Variants in SSH2 observed in about 807,000 individuals in gnomAD.
SSH2 encodes protein phosphatase Slingshot homolog 2.
Under a neutral mutation model 135.2 loss-of-function variants are expected in SSH2, and 37 were observed. The ratio of observed to expected loss-of-function variants is 0.27; its 90% CI spans 0.21 to 0.36. The LOEUF (loss-of-function observed/expected upper bound fraction) is 0.36. Ranked by LOEUF, SSH2 falls within the 10% of genes least tolerant of loss-of-function variation. The pLI is 1.00. For missense variants in SSH2, 1,408 were observed against 1,765.3 expected (o/e 0.80, Z 3.63); for synonymous variants, 628 against 646.2 (o/e 0.97, Z 0.43).
At chr17:29,887,941 A>G (rs937842199) in intron 1 of SSH2, among the ~76,000 whole-genome samples, 2 of 152,244 alleles carry the variant, frequency 1.3e-5, no homozygotes, top group Non-Finnish European at 1.5e-5. Flanking sequence ...AGATTATGAA[A>G]GAAACTATGC....
chr17:29,756,213 C>T (rs969543784), intron 3 of SSH2, among the ~76,000 whole-genome samples: 1 of 148,328 alleles, frequency 6.7e-6, no homozygotes, highest in South Asian at 2.1e-4. Flanking sequence ...GCGGAGGTTG[C>T]GGTGAGCCCA....
intron 1 of SSH2, among the ~76,000 whole-genome samples, chr17:29,888,014 A>T (rs2066273258): frequency 6.6e-6 from 1 of 152,132 alleles, no homozygotes; most frequent in Admixed American, 6.6e-5. Flanking sequence ...ATACTGGAGG[A>T]TCACTTAAGC....
At chr17:29,903,005 G>A (rs1026282337) in intron 1 of SSH2, among the ~76,000 whole-genome samples, 1 of 151,898 alleles carries the variant, frequency 6.6e-6, no homozygotes, top group Non-Finnish European at 1.5e-5. Flanking sequence ...GGCCAACATG[G>A]TGAAACCCCG....
intron 1 of SSH2, among the ~76,000 whole-genome samples, chr17:29,909,092 A>T (rs1331931455): frequency 6.6e-6 from 1 of 151,990 alleles, no homozygotes; most frequent in Non-Finnish European, 1.5e-5. Context: ...AAAAAAAAAA[A>T]TTTCTCCAAA....
chr17:29,669,711 A>G (rs2151039620), intron 9 of SSH2, among the ~76,000 whole-genome samples: 1 of 152,270 alleles, frequency 6.6e-6, no homozygotes, highest in Admixed American at 6.5e-5. Context: ...ATATATCTCA[A>G]AATTAGGGTT....
chr17:29,696,228 T>A (rs1480707289), intron 4 of SSH2, among the ~76,000 whole-genome samples: 1 of 149,334 alleles, frequency 6.7e-6, no homozygotes, highest in African/African-American at 2.5e-5. Context: ...TACGTATACA[T>A]ATACACAGAG....
chr17:29,861,492 C>T (rs1342417754), intron 1 of SSH2, among the ~76,000 whole-genome samples: 1 of 152,088 alleles, frequency 6.6e-6, no homozygotes, highest in East Asian at 1.9e-4. Context: ...GTTAAGATAA[C>T]ATATTTACAG....
chr17:29,651,761 G>A (rs2036585469), intron 12 of SSH2, among the ~76,000 whole-genome samples: 1 of 152,136 alleles, frequency 6.6e-6, no homozygotes, highest in Non-Finnish European at 1.5e-5. Flanking sequence ...AAGGTCAAGT[G>A]GCCAAAAATT....
rs71689248 is a variant in SSH2, at chr17:29,744,860, AGTGTGTGTGTGTGT to A, written c.189-41812_189-41799del. On this transcript the variant is annotated intron_variant, in intron 3 of 15. Coordinates refer to ENST00000540801, the MANE Select transcript of SSH2 (RefSeq NM_001282129.2). ...AAGAAGTTTTGCTTTGGATTACTTG[AGTGTGTGTGTGTGT>A]GTGTGTGTGTGTGTGTGTGTGTGTG... Among the ~76,000 whole-genome samples, 559 of 140,540 alleles carry A rather than the reference AGTGTGTGTGTGTGT, an allele frequency of 4.0e-3. 3 individuals carry two copies. The highest frequency in any genetic ancestry group is 5.8e-3 in the Non-Finnish European group (377 of 65,432). The allele number at this position is 140,540 out of a possible 152,430, so 92.2% of individuals were successfully genotyped here.
chr17:29,634,955 T>C (rs763902349), intron 15 of SSH2, among the ~76,000 whole-genome samples: 8 of 152,052 alleles, frequency 5.3e-5, no homozygotes, highest in Non-Finnish European at 8.8e-5. Flanking sequence ...CAAGCTGGAG[T>C]ACAGTGGCAC....
At chr17:29,660,684 C>T (rs1343372574) in intron 11 of SSH2, among the ~76,000 whole-genome samples, 1 of 151,870 alleles carries the variant, frequency 6.6e-6, no homozygotes, top group South Asian at 2.1e-4. Context: ...AATGGAAAAC[C>T]CCTCTCTCTC....
At chr17:29,687,353 A>G (rs117451486) in intron 5 of SSH2, among the ~76,000 whole-genome samples, 269 of 152,378 alleles carry the variant, frequency 1.8e-3, no homozygotes, top group Middle Eastern at 6.8e-3. Flanking sequence ...AAGAACGGAT[A>G]TAACAAGAAT....
At chr17:29,754,128 G>A (rs770418688) in intron 3 of SSH2, among the ~76,000 whole-genome samples, 2 of 152,130 alleles carry the variant, frequency 1.3e-5, no homozygotes, top group African/African-American at 2.4e-5. Context: ...CTGCCTCAGA[G>A]GAATACTTTA....
intron 5 of SSH2, among the ~76,000 whole-genome samples, 168 bp from the exon 6 acceptor site, chr17:29,684,852 G>A (rs190255086): frequency 1.3e-5 from 2 of 152,094 alleles, no homozygotes; most frequent in Non-Finnish European, 2.9e-5. Context: ...TAAAAACTTT[G>A]GTAAGTTACT....
At chr17:29,711,213 C>T (rs572303573) in intron 3 of SSH2, among the ~76,000 whole-genome samples, 1 of 152,296 alleles carries the variant, frequency 6.6e-6, no homozygotes, top group South Asian at 2.1e-4. Context: ...TTGCACAATG[C>T]CCAGCACAAC....
intron 3 of SSH2, among the ~76,000 whole-genome samples, chr17:29,709,015 TAGAGAGAGAG>T (rs58190730): frequency 1.4e-3 from 111 of 81,592 alleles, no homozygotes; most frequent in African/African-American, 4.1e-3. Context: ...TATATATATA[TAGAGAGAGAG>T]AGAGAGAGAG....
At chr17:29,837,352 T>C (rs1180963226) in intron 2 of SSH2, among the ~76,000 whole-genome samples, 1 of 151,850 alleles carries the variant, frequency 6.6e-6, no homozygotes, top group East Asian at 1.9e-4. Flanking sequence ...GGCAGCACTC[T>C]AGAAATTCAC....
At position 29,913,356 on chromosome 17, in the gene SSH2, A is replaced by AAAAAAAAAAAAAAAT. The variant is rs1567650094; in HGVS notation, c.63+16581_63+16582insATTTTTTTTTTTTTT. Among the ~76,000 whole-genome samples, 4 of 71,048 alleles carry AAAAAAAAAAAAAAAT rather than the reference A, an allele frequency of 5.6e-5. 1 individual carries two copies. The highest frequency in any genetic ancestry group is 1.2e-4 in the African/African-American group (2 of 17,338). The allele number at this position is 71,048 out of a possible 152,430, so 46.6% of individuals were successfully genotyped here. On this transcript the variant is annotated intron_variant, in intron 1 of 15. Transcript: ENST00000540801. The stretch of plus-strand genomic sequence containing the variant: ...AAAAAAAAAAAAAAAAAATATATAT[A>AAAAAAAAAAAAAAAT]TATATATATATATATATATATATAT...
intron 1 of SSH2, among the ~76,000 whole-genome samples, chr17:29,926,709 T>G (rs780794249): frequency 6.6e-6 from 1 of 152,206 alleles, no homozygotes; most frequent in African/African-American, 2.4e-5. Flanking sequence ...CTTTATCTCT[T>G]ACTACTGTCC....
Sources: gnomAD v4.1 joint callset for allele counts (sites outside exome capture counted in the v4.1 genomes callset) on GRCh38, gnomAD v4.1.1 for gene constraint, MANE v1.5 for transcripts, NCBI Gene and HGNC (gene_info 2026-07-23, HGNC 2026-07-21) for gene names.